MARCHF6: variants seen among roughly 807,000 people sequenced by gnomAD.
MARCHF6 encodes E3 ubiquitin-protein ligase MARCHF6.
MARCHF6 carries 31 observed loss-of-function variants against 133.7 expected under a neutral mutation model. The ratio of observed to expected loss-of-function variants is 0.23; its 90% CI spans 0.17 to 0.31. MARCHF6 has a LOEUF of 0.31. Ranked by LOEUF, MARCHF6 falls within the 10% of genes least tolerant of loss-of-function variation. The pLI, the probability that MARCHF6 is intolerant of heterozygous loss-of-function variation, is 1.00. For missense variants in MARCHF6, 723 were observed against 1,121.6 expected, an observed-to-expected ratio of 0.64 and a Z score of 5.08; for synonymous variants, 395 against 402.5, an observed-to-expected ratio of 0.98 and a Z score of 0.22.
chr5:10,392,265 C>G (rs1267893730), intron 7 of MARCHF6, among the ~76,000 whole-genome samples: 1 of 152,110 alleles, frequency 6.6e-6, no homozygotes, highest in Admixed American at 6.5e-5. Flanking sequence ...CTACACAGGA[C>G]TTTTTTAATA....
intron 1 of MARCHF6, among the ~76,000 whole-genome samples, chr5:10,366,183 A>C (rs1040560713): frequency 6.6e-6 from 1 of 152,080 alleles, no homozygotes; most frequent in East Asian, 1.9e-4. Context: ...CCATCTTGCC[A>C]AAGTGCTGGG....
rs150816260 is a variant in MARCHF6 at position 10,427,551 on chromosome 5, T to C, written c.2506+1029T>C. 3.9e-5 allele frequency among the ~76,000 whole-genome samples: 6 copies of C among 152,318 alleles called. No individual in the cohort carries two copies. In the East Asian group the frequency reaches 1.2e-3, roughly 29 times the overall value. ...AAACACACAATGTCCTCTCCATAAC[T>C]GTCTCCACATTTTCATTTGTCTTAT... On this transcript the variant is annotated intron_variant, in intron 24 of 25. Transcript: ENST00000274140.
At chr5:10,358,624 T>G (rs1211276608) in intron 1 of MARCHF6, among the ~76,000 whole-genome samples, 1 of 152,130 alleles carries the variant, frequency 6.6e-6, no homozygotes, top group Non-Finnish European at 1.5e-5. Flanking sequence ...ACAACATGGG[T>G]TTTTGAACTA....
chr5:10,390,470 G>A lies in MARCHF6; in HGVS notation c.546G>A (p.Pro182=), dbSNP rs758872104. The part of the protein sequence containing the change: ...APIWLEHAAP[P]FNAAGHHQNE... ...TTTGGTTGGAGCATGCTGCCCCACC[G>A]TTCAATGCTGCGGGGCATCACCAAA... is the stretch of plus-strand genomic sequence containing the variant. The change falls in exon 6 of 26, where the codon CCG becomes CCA. Residue 182 remains proline, a synonymous_variant. Coordinates refer to ENST00000274140, the MANE Select transcript of MARCHF6 (RefSeq NM_005885.4). 1.4e-5 allele frequency: 22 copies of A among 1,613,740 alleles called. No homozygotes were observed. The highest frequency in any genetic ancestry group is 6.7e-5 in the East Asian group (3 of 44,890).
intron 19 of MARCHF6, among the ~76,000 whole-genome samples, chr5:10,411,972 C>T (rs771825499): frequency 5.3e-5 from 8 of 152,168 alleles, no homozygotes; most frequent in Non-Finnish European, 1.0e-4. Flanking sequence ...AGTGATCAAT[C>T]TTTGTGCACC....
At chr5:10,360,042 G>A (rs1473782512) in intron 1 of MARCHF6, among the ~76,000 whole-genome samples, 1 of 150,502 alleles carries the variant, frequency 6.6e-6, no homozygotes, top group Admixed American at 6.6e-5. Flanking sequence ...TTAATCTACT[G>A]TTTATGTTGT....
chr5:10,357,891 A>G (rs1735575704), intron 1 of MARCHF6, among the ~76,000 whole-genome samples: 1 of 152,010 alleles, frequency 6.6e-6, no homozygotes, highest in Non-Finnish European at 1.5e-5. Context: ...TGGCATAACT[A>G]GAAGGTTATA....
Position 10,390,398 on chromosome 5 carries a change from C to T in MARCHF6, c.474C>T (p.Ile158=). The T allele has an allele frequency of 6.2e-7, 1 of 1,613,884 alleles. No homozygotes were observed. The highest frequency in any genetic ancestry group is 8.5e-7 in the Non-Finnish European group (1 of 1,179,998). ...TGACGTGCACACTGTGTGCATTCAT[C>T]AGCCTGGTGTGGTTGAGAGAGCAGA... ...FVVTCTLCAF[I]SLVWLREQIV... Residue 158 remains isoleucine, a synonymous_variant, in exon 6 of 26, where the codon ATC becomes ATT. Transcript: ENST00000274140.
chr5:10,430,603 C>T (rs1740317258), intron 25 of MARCHF6, among the ~76,000 whole-genome samples: 1 of 152,178 alleles, frequency 6.6e-6, no homozygotes, highest in South Asian at 2.1e-4. Context: ...TGCACCCAGC[C>T]AAGAGATTTT....
At chr5:10,375,185 T>C (rs2126682811) in intron 1 of MARCHF6, among the ~76,000 whole-genome samples, 2 of 152,294 alleles carry the variant, frequency 1.3e-5, no homozygotes, top group South Asian at 4.1e-4. Flanking sequence ...GAACTGGGGC[T>C]GCGTGCAGCG....
intron 24 of MARCHF6, among the ~76,000 whole-genome samples, chr5:10,426,957 T>A (rs1740118421): frequency 6.6e-6 from 1 of 152,254 alleles, no homozygotes; most frequent in African/African-American, 2.4e-5. Context: ...TCTTGTTGAT[T>A]GTGTAGTGAA....
intron 1 of MARCHF6, among the ~76,000 whole-genome samples, chr5:10,367,534 A>G (rs1736209762): frequency 6.6e-6 from 1 of 152,332 alleles, no homozygotes; most frequent in South Asian, 2.1e-4. Flanking sequence ...ACATCAAAGA[A>G]CTTTCAAGAT....
intron 9 of MARCHF6, among the ~76,000 whole-genome samples, chr5:10,395,391 T>C (rs1454410265): frequency 6.6e-6 from 1 of 152,198 alleles, no homozygotes; most frequent in Non-Finnish European, 1.5e-5. Flanking sequence ...CCTGTACTGG[T>C]GGAAGCAAAG....
chr5:10,404,980 A>G (rs1738792114), intron 15 of MARCHF6, among the ~76,000 whole-genome samples: 1 of 152,212 alleles, frequency 6.6e-6, no homozygotes, highest in Non-Finnish European at 1.5e-5. Flanking sequence ...TTGTTGATAT[A>G]AAATTTTAAT....
At chr5:10,365,947 C>CT (rs201239107) in intron 1 of MARCHF6, among the ~76,000 whole-genome samples, 18 of 150,894 alleles carry the variant, frequency 1.2e-4, no homozygotes, top group East Asian at 3.9e-4. Flanking sequence ...CATATATATA[C>CT]TTTTTTTTTG....
At chr5:10,381,559 T>C (rs1423515689) in intron 3 of MARCHF6, among the ~76,000 whole-genome samples, 1 of 152,212 alleles carries the variant, frequency 6.6e-6, no homozygotes, top group Non-Finnish European at 1.5e-5. Flanking sequence ...TGAACATCTA[T>C]TGAATTTTTT....
Position 10,387,011 on chromosome 5 carries a change from T to C in MARCHF6, c.352T>C (p.Leu118=), listed in dbSNP as rs765904105. 6.2e-7 allele frequency: 1 copy of C among 1,613,384 alleles called. No individual in the cohort carries two copies. Residue 118 remains leucine, a synonymous_variant, in exon 5 of 26, where the codon TTG becomes CTG. Coordinates refer to ENST00000274140, the MANE Select transcript of MARCHF6 (RefSeq NM_005885.4). The stretch of plus-strand genomic sequence containing the variant: ...TTCGGTAGGCCGCATCTACAAGTGC[T>C]TGTTTACTGGCTCCGTGAGCTCACT... The part of the protein sequence containing the change: ...PLTACRIYKC[L]FTGSVSSLLT...
rs191212949 is a variant in MARCHF6 at position 10,440,182 on chromosome 5, C to G, written c.*6498C>G. The G allele has an allele frequency of 6.6e-6, 1 of 152,224 alleles. No homozygotes were observed. Among genetic ancestry groups the G allele is most frequent in the East Asian group, 1.9e-4 (1 of 5,190 alleles). The allele number at this position is 152,224 out of a possible 1,614,324, so 9.4% of individuals were successfully genotyped here. On this transcript the variant is annotated 3_prime_UTR_variant, in exon 26 of 26. Coordinates refer to ENST00000274140, the MANE Select transcript of MARCHF6 (RefSeq NM_005885.4). The stretch of plus-strand genomic sequence containing the variant: ...TTATTACTGTATTCCCAGAACAATT[C>G]CCTGGCAAATATTTGGTACTCAATA...
intron 1 of MARCHF6, among the ~76,000 whole-genome samples, chr5:10,377,215 C>G (rs778794169): frequency 3.7e-4 from 56 of 152,126 alleles, no homozygotes; most frequent in Non-Finnish European, 6.9e-4. Context: ...TCCGGCTCAT[C>G]TCTCTGTGGC....
Sources: allele counts gnomAD v4.1 joint callset (sites outside exome capture counted in the v4.1 genomes callset), GRCh38; gene constraint gnomAD v4.1.1; transcripts MANE v1.5; gene names NCBI Gene and HGNC (gene_info 2026-07-23, HGNC 2026-07-21).